Variants in XXYLT1 observed in about 807,000 individuals in gnomAD.
XXYLT1 encodes xyloside xylosyltransferase 1.
Under a neutral mutation model 28.9 loss-of-function variants are expected in XXYLT1, and 20 were observed. The observed-to-expected ratio is 0.69, with a 90% confidence interval of 0.49 to 1.00. XXYLT1 has a LOEUF of 1.00. Among genes scored for constraint, XXYLT1 ranks in the 50% least tolerant of loss-of-function variants. XXYLT1 has a pLI of 0.00. For missense variants in XXYLT1, 542 were observed against 560.1 expected (o/e 0.97, Z 0.33); for synonymous variants, 257 against 253.8 (o/e 1.01, Z -0.12).
rs536445752 is a variant in XXYLT1 at position 195,141,616 on chromosome 3, C to T, written c.785+14833G>A. Among the ~76,000 whole-genome samples the T allele has an allele frequency of 5.3e-5, 8 of 152,314 alleles. No homozygotes were observed. In the East Asian group the frequency reaches 1.2e-3, roughly 22 times the overall value. ...GCCAAAATGAGGCCACACTCTTAAC[C>T]GCCTCTTCAAAGACCGAGAGCTCAG... On this transcript the variant is annotated intron_variant, in intron 3 of 3. Transcript: ENST00000310380.
At chr3:195,252,692 C>CCACACA (rs774827660) in intron 1 of XXYLT1, among the ~76,000 whole-genome samples, 1,609 of 84,026 alleles carry the variant, frequency 0.019, 20 homozygotes, top group Middle Eastern at 0.047. Flanking sequence ...AGAAAAAAAA[C>CCACACA]CACACACACA....
chr3:195,261,492 AG>A (rs1439443610), intron 1 of XXYLT1, among the ~76,000 whole-genome samples: 1 of 152,140 alleles, frequency 6.6e-6, no homozygotes, highest in African/African-American at 2.4e-5. Context: ...AGGGGAGGGG[AG>A]GGGAACAAAT....
At chr3:195,250,543 G>A (rs1202319296) in intron 1 of XXYLT1, among the ~76,000 whole-genome samples, 4 of 150,914 alleles carry the variant, frequency 2.7e-5, no homozygotes, top group South Asian at 2.1e-4. Context: ...CAGCCTGGGC[G>A]GCAAGAGTGC....
intron 1 of XXYLT1, among the ~76,000 whole-genome samples, chr3:195,252,337 G>C (rs1408406532): frequency 2.0e-5 from 3 of 152,102 alleles, no homozygotes; most frequent in Non-Finnish European, 4.4e-5. Context: ...CTTAAAAAAA[G>C]AATCTTAAGC....
chr3:195,112,645 A>G (rs1472312541), intron 3 of XXYLT1, among the ~76,000 whole-genome samples: 5 of 147,120 alleles, frequency 3.4e-5, no homozygotes, highest in African/African-American at 1.3e-4. Flanking sequence ...CCATGCACAC[A>G]CGCAGCTCCC....
chr3:195,143,886 ATATT>A (rs1383367062), intron 3 of XXYLT1, among the ~76,000 whole-genome samples: 5 of 116,850 alleles, frequency 4.3e-5, no homozygotes, highest in African/African-American at 1.4e-4. Flanking sequence ...ATATATATAT[ATATT>A]TATTTTTTAT....
Position 195,185,376 on chromosome 3 carries a change from AT to A in XXYLT1, c.653-28796del, listed in dbSNP as rs1483975701. The stretch of plus-strand genomic sequence containing the variant: ...ACATCTGCAGTGAAATGGGGGAGGA[AT>A]AAAGATACTGAAAGGACATTCTCCA... On this transcript the variant is annotated intron_variant, in intron 2 of 3. Transcript: ENST00000310380. Among the ~76,000 whole-genome samples the A allele has an allele frequency of 7.2e-5, 11 of 152,242 alleles. No homozygotes were observed. In the East Asian group the frequency reaches 2.1e-3, roughly 29 times the overall value.
rs894543570 is a variant in XXYLT1, at chr3:195,173,708, C to T, written c.653-17127G>A. On this transcript the variant is annotated intron_variant, in intron 2 of 3. Coordinates refer to ENST00000310380, the MANE Select transcript of XXYLT1 (RefSeq NM_152531.5). The surrounding 1 kb of genome is among the most constrained non-coding windows in gnomAD (Gnocchi z 4.3). ...GGCTCAGGGGAATCCTACTGAAAGG[C>T]ATCGTGGATAAAGTGAACTTCACTT... Among the ~76,000 whole-genome samples, 1 of 152,226 alleles carries T rather than the reference C, an allele frequency of 6.6e-6. No individual in the cohort carries two copies. The highest frequency in any genetic ancestry group is 1.5e-5 in the Non-Finnish European group (1 of 68,038).
intron 2 of XXYLT1, among the ~76,000 whole-genome samples, chr3:195,207,895 C>A (rs760815975): frequency 9.2e-5 from 14 of 152,186 alleles, no homozygotes; most frequent in Non-Finnish European, 1.6e-4. Flanking sequence ...AGTTCCTCAC[C>A]ATGCAGGCCT....
intron 2 of XXYLT1, among the ~76,000 whole-genome samples, chr3:195,189,129 TTTCCA>T (rs142032571): frequency 0.028 from 4,340 of 152,326 alleles, 97 homozygotes; most frequent in Middle Eastern, 0.095. Context: ...TACTATATTA[TTTCCA>T]TTTATAGAGT....
chr3:195,212,826 C>T (rs528201003), intron 2 of XXYLT1, among the ~76,000 whole-genome samples: 4 of 152,132 alleles, frequency 2.6e-5, no homozygotes, highest in Non-Finnish European at 4.4e-5. Flanking sequence ...TGTTCTAAGG[C>T]GTTTAGGCCC....
At chr3:195,151,438 G>A (rs1353241237) in intron 3 of XXYLT1, among the ~76,000 whole-genome samples, 1 of 152,100 alleles carries the variant, frequency 6.6e-6, no homozygotes, top group Non-Finnish European at 1.5e-5. Context: ...GCTGAGGCAG[G>A]AGAACTTCTT....
chr3:195,183,766 C>A (rs1036647593), intron 2 of XXYLT1: 1 of 152,288 alleles, frequency 6.6e-6, no homozygotes, highest in Non-Finnish European at 1.5e-5. Context: ...AACTGTTACC[C>A]ACCCTGGTCC....
At chr3:195,161,123 G>A (rs1313488518) in intron 2 of XXYLT1, among the ~76,000 whole-genome samples, 1 of 152,176 alleles carries the variant, frequency 6.6e-6, no homozygotes, top group Non-Finnish European at 1.5e-5. Context: ...CCAGGCCCTG[G>A]GAAGGCTTTG....
chr3:195,236,517 G>T (rs1401466262), intron 1 of XXYLT1, among the ~76,000 whole-genome samples: 3 of 151,414 alleles, frequency 2.0e-5, no homozygotes, highest in African/African-American at 7.3e-5. Flanking sequence ...GCCTGGGGTA[G>T]GTCCAGAAAT....
At chr3:195,184,769 A>G in intron 2 of XXYLT1, 1 of 985,468 alleles carries the variant, frequency 1.0e-6, no homozygotes, top group Non-Finnish European at 1.2e-6. Context: ...CAGGGAACTT[A>G]GCATTCTGAA....
In XXYLT1 at chr3:195,098,485, G is replaced by A. The variant is rs188172119; in HGVS notation, c.786-28374C>T. Among the ~76,000 whole-genome samples, 589 of 152,324 alleles carry A rather than the reference G, an allele frequency of 3.9e-3. 5 individuals carry two copies. The highest frequency in any genetic ancestry group is 4.9e-3 in the Non-Finnish European group (333 of 68,020). Reference sequence around the variant, plus strand: ...GGAGAATGGCGTGAACCCGGGAGGCGGAGCTTGCAGTGAGCGGAGATCGTG... The same window carrying A: ...GGAGAATGGCGTGAACCCGGGAGGCAGAGCTTGCAGTGAGCGGAGATCGTG... On this transcript the variant is annotated intron_variant, in intron 3 of 3. Coordinates refer to ENST00000310380, the MANE Select transcript of XXYLT1 (RefSeq NM_152531.5).
chr3:195,112,703 G>A (rs1451788616), intron 3 of XXYLT1, among the ~76,000 whole-genome samples: 6 of 138,472 alleles, frequency 4.3e-5, no homozygotes, highest in Admixed American at 7.4e-5. Context: ...ACACACACAC[G>A]TATGCACACA....
chr3:195,180,466 A>C lies in XXYLT1; in HGVS notation c.653-23885T>G, dbSNP rs1177059887. The C allele has an allele frequency of 1.3e-5, 13 of 985,496 alleles. No individual in the cohort carries two copies. Among genetic ancestry groups the C allele is most frequent in the Non-Finnish European group, 1.6e-5 (13 of 830,020 alleles). 61.0% of individuals were successfully genotyped at this position (985,496 alleles called of 1,614,324 possible). A position where few individuals can be genotyped will look rare whatever the true frequency, so the allele number is the denominator to read the frequency against. ...CTCATTTCATGAACTTCTTTTGAAC[A>C]ATTTCCTGTTCCTTTTTCTTTCTAT... On this transcript the variant is annotated intron_variant, in intron 2 of 3. Coordinates refer to ENST00000310380, the MANE Select transcript of XXYLT1 (RefSeq NM_152531.5). The surrounding 1 kb of genome is among the most constrained non-coding windows in gnomAD (Gnocchi z 5.8).
Sources: gnomAD v4.1 joint callset for allele counts (sites outside exome capture counted in the v4.1 genomes callset) on GRCh38, gnomAD v4.1.1 for gene constraint, Gnocchi (gnomAD v3.1) non-coding constraint, MANE v1.5 for transcripts, NCBI Gene and HGNC (gene_info 2026-07-23, HGNC 2026-07-21) for gene names.